The following COL11A1 variants were observed in gnomAD, a reference collection of about 807,000 sequenced individuals.
COL11A1 encodes collagen type XI alpha 1 chain.
Under a neutral mutation model 265.2 loss-of-function variants are expected in COL11A1, and 74 were observed. The observed-to-expected ratio is 0.28, with a 90% CI of 0.23 to 0.34. COL11A1 has a LOEUF of 0.34. Ranked by LOEUF, COL11A1 falls within the 10% of genes least tolerant of loss-of-function variation. The pLI is 1.00. For synonymous variants in COL11A1, 816 were observed against 727.6 expected, an observed-to-expected ratio of 1.12 and a Z score of -1.96; for missense variants, 2,165 against 2,263.6, an observed-to-expected ratio of 0.96 and a Z score of 0.88.
At chr1:102,905,124 C>CA (rs946884515) in intron 54 of COL11A1, among the ~76,000 whole-genome samples, 1 of 147,694 alleles carries the variant, frequency 6.8e-6, no homozygotes. Context: ...ATCGCAAGGA[C>CA]AAAAAACCAA....
At chr1:102,940,753 TC>T (rs1376551073) in intron 42 of COL11A1, among the ~76,000 whole-genome samples, 1 of 152,160 alleles carries the variant, frequency 6.6e-6, no homozygotes, top group Admixed American at 6.6e-5. Context: ...CTTCTCCCCT[TC>T]CTTAGTGCCA....
intron 5 of COL11A1, among the ~76,000 whole-genome samples, chr1:103,027,063 TA>T (rs535818311): frequency 1.3e-5 from 2 of 151,670 alleles, no homozygotes; most frequent in Admixed American, 6.6e-5. Context: ...TTTTCTCTAT[TA>T]AAAAAGGCAT....
At chr1:102,930,705 G>C (rs918014572) in intron 46 of COL11A1, among the ~76,000 whole-genome samples, 3 of 152,132 alleles carry the variant, frequency 2.0e-5, no homozygotes, top group African/African-American at 7.2e-5. Flanking sequence ...GAATTCGGCT[G>C]TGAATCCATC....
chr1:103,008,109 T>C (rs1050261391), intron 15 of COL11A1, among the ~76,000 whole-genome samples: 5 of 152,132 alleles, frequency 3.3e-5, no homozygotes, highest in African/African-American at 7.2e-5. Flanking sequence ...TTCATCTATT[T>C]TATAAAAAGA....
At chr1:103,063,072 C>G (rs962610724) in intron 4 of COL11A1, among the ~76,000 whole-genome samples, 20 of 151,928 alleles carry the variant, frequency 1.3e-4, no homozygotes, top group African/African-American at 4.8e-4. Context: ...TATCGAACAA[C>G]TTTAAAAATA....
intron 31 of COL11A1, among the ~76,000 whole-genome samples, chr1:102,982,112 T>C (rs1449173095): frequency 1.3e-5 from 2 of 151,978 alleles, no homozygotes; most frequent in East Asian, 1.9e-4. Context: ...TTTTTGATCA[T>C]AGAAATAATA....
At chr1:102,903,212 A>T (rs1190347563) in intron 54 of COL11A1, among the ~76,000 whole-genome samples, 1 of 152,142 alleles carries the variant, frequency 6.6e-6, no homozygotes, top group East Asian at 1.9e-4. Flanking sequence ...ATTCTCAAGT[A>T]TTACAAATGC....
chr1:103,098,619 G>A (rs902374869), intron 1 of COL11A1, among the ~76,000 whole-genome samples: 1 of 151,832 alleles, frequency 6.6e-6, no homozygotes, highest in African/African-American at 2.4e-5. Context: ...TAGATATGGT[G>A]ACAGATGCCA....
chr1:103,082,816 T>A lies in COL11A1; in HGVS notation c.263A>T (p.Gln88Leu), dbSNP rs1302541426. The change falls in exon 2 of 67, where the codon CAG becomes CTG. Residue 88 changes from glutamine (Q) to leucine (L), a missense_variant. Physicochemically the swap from Gln to Leu is moderately radical, Grantham distance 113. Transcript: ENST00000370096. ...KQAQLSAPTK[Q>L]LFPGGTFPED... Reference sequence around the variant, plus strand: ...TAAAGTGAATATACCTGGAAATAACTGTTTTGTTGGGGCACTGAGTTGTGC... The same window carrying A: ...TAAAGTGAATATACCTGGAAATAACAGTTTTGTTGGGGCACTGAGTTGTGC... 1.2e-6 allele frequency: 2 copies of A among 1,612,920 alleles called. No individual in the cohort carries two copies. Among genetic ancestry groups the A allele is most frequent in the Admixed American group, 1.7e-5 (1 of 59,990 alleles).
chr1:103,088,477 A>G lies in COL11A1; in HGVS notation c.107-5505T>C, dbSNP rs866365872. Among the ~76,000 whole-genome samples the G allele has an allele frequency of 3.9e-5, 6 of 152,334 alleles. No individual in the cohort carries two copies. In the South Asian group the frequency reaches 6.2e-4, roughly 16 times the overall value. On this transcript the variant is annotated intron_variant, in intron 1 of 66. Transcript: ENST00000370096. ...CTATTTTTATATGGTACATGATGTA[A>G]GAATAATTGTACATTTTAAATGTTG...
chr1:102,968,239 G>T (rs1661632114), intron 37 of COL11A1, among the ~76,000 whole-genome samples: 1 of 152,118 alleles, frequency 6.6e-6, no homozygotes, highest in Non-Finnish European at 1.5e-5. Flanking sequence ...GAAATTAATT[G>T]GACATATTCA....
At chr1:103,026,556 A>G (rs1242517356) in intron 5 of COL11A1, among the ~76,000 whole-genome samples, 2 of 152,226 alleles carry the variant, frequency 1.3e-5, no homozygotes, top group African/African-American at 4.8e-5. Flanking sequence ...AATAGTAGTT[A>G]GTATCACGAG....
intron 35 of COL11A1, 119 bp from the exon 36 acceptor site, chr1:102,975,002 T>C: frequency 3.9e-6 from 3 of 767,460 alleles, no homozygotes; most frequent in Non-Finnish European, 6.9e-6. Context: ...TTCATCACAG[T>C]GACAGAACTA....
At chr1:102,899,053 C>A (rs1557790765) in intron 54 of COL11A1, 59 bp from the exon 55 acceptor site, 6 of 948,598 alleles carry the variant, frequency 6.3e-6, no homozygotes, top group South Asian at 2.1e-5. Context: ...TGTTAATGAG[C>A]ACTTGTTTAC....
At chr1:102,906,594 A>G (rs1253520821) in intron 54 of COL11A1, among the ~76,000 whole-genome samples, 2 of 152,012 alleles carry the variant, frequency 1.3e-5, no homozygotes, top group African/African-American at 4.8e-5. Flanking sequence ...GTTTCTGTGA[A>G]GATGAGGGTC....
intron 46 of COL11A1, among the ~76,000 whole-genome samples, chr1:102,928,861 T>C (rs1351953410): frequency 2.4e-5 from 3 of 126,026 alleles, no homozygotes; most frequent in Non-Finnish European, 5.2e-5. Flanking sequence ...ATGAGCATTT[T>C]TTCATGTGTT....
chr1:102,951,127 C>T (rs532521381), intron 41 of COL11A1, among the ~76,000 whole-genome samples: 1 of 152,252 alleles, frequency 6.6e-6, no homozygotes, highest in South Asian at 2.1e-4. Flanking sequence ...CGAAAATGGA[C>T]TGATATACCA....
intron 26 of COL11A1, 96 bp from the exon 27 acceptor site, chr1:102,996,138 T>A: frequency 7.9e-7 from 1 of 1,267,946 alleles, no homozygotes; most frequent in Admixed American, 1.9e-5. Context: ...AAGGATATGG[T>A]TTTTTTCTAC....
chr1:102,961,346 T>C (rs776346390), intron 41 of COL11A1, among the ~76,000 whole-genome samples: 21 of 152,228 alleles, frequency 1.4e-4, no homozygotes, highest in Non-Finnish European at 2.4e-4. Context: ...ATGCATAATA[T>C]ATAAGATTGT....
Sources: gnomAD v4.1 joint callset for allele counts (sites outside exome capture counted in the v4.1 genomes callset) on GRCh38, gnomAD v4.1.1 for gene constraint, MANE v1.5 for transcripts, NCBI Gene and HGNC (gene_info 2026-07-23, HGNC 2026-07-21) for gene names.